The following RFC1 variants were observed in gnomAD, a reference collection of about 807,000 sequenced individuals.
RFC1 encodes the protein replication factor C subunit 1.
Under a neutral mutation model 137.4 loss-of-function variants are expected in RFC1, and 37 were observed. The ratio of observed to expected loss-of-function variants is 0.27; its 90% CI spans 0.21 to 0.35. The LOEUF is 0.35. Among genes scored for constraint, RFC1 ranks in the 10% least tolerant of loss-of-function variants. The pLI is 1.00. For missense variants in RFC1, 1,205 were observed against 1,358.5 expected (o/e 0.89, Z 1.78); for synonymous variants, 429 against 455.7 (o/e 0.94, Z 0.75).
chr4:39,337,898 G>A (rs1352189250), intron 4 of RFC1, among the ~76,000 whole-genome samples: 4 of 152,050 alleles, frequency 2.6e-5, no homozygotes, highest in African/African-American at 4.8e-5. Context: ...AACTTCAGGA[G>A]TACTAACTGC....
intron 1 of RFC1, among the ~76,000 whole-genome samples, chr4:39,363,636 C>T (rs770104238): frequency 4.0e-5 from 6 of 151,748 alleles, no homozygotes; most frequent in South Asian, 2.1e-4. Context: ...CCTGTAATCC[C>T]GGCACTTTAA....
intron 2 of RFC1, among the ~76,000 whole-genome samples, chr4:39,349,842 TAAAAATAC>T (rs1286046779): frequency 6.6e-6 from 1 of 151,968 alleles, no homozygotes; most frequent in African/African-American, 2.4e-5. Flanking sequence ...CCAACTCTAC[TAAAAATAC>T]AAAATTAGCC....
chr4:39,309,458 G>A (rs1228291827), intron 12 of RFC1, among the ~76,000 whole-genome samples: 1 of 152,208 alleles, frequency 6.6e-6, no homozygotes, highest in East Asian at 1.9e-4. Flanking sequence ...AAACAAAATA[G>A]GATGTGTCCA....
chr4:39,334,486 T>A lies in RFC1; in HGVS notation c.332-6730A>T, dbSNP rs1431429446. 2.0e-5 allele frequency among the ~76,000 whole-genome samples: 3 copies of A among 152,300 alleles called. No homozygotes were observed. The South Asian group carries it at 6.2e-4, about 32-fold the overall frequency. On this transcript the variant is annotated intron_variant, in intron 4 of 24. Coordinates refer to ENST00000349703, the MANE Select transcript of RFC1 (RefSeq NM_002913.5). The stretch of plus-strand genomic sequence containing the variant: ...GACTTAACAGGTGTTGCTGTGAGGA[T>A]CCTCATGTAAAATAAATATTTTACA...
Position 39,289,868 on chromosome 4 carries a change from C to T in RFC1, c.3340G>A (p.Glu1114Lys). ...QSDEKDQDAI[E>K]TDAMIKKKTK... ...ACTACCTTGATCATGGCATCAGTTTCTATAGCATCTTGGTCTTTCTCATCA... is the reference window on the plus strand; with the variant it reads ...ACTACCTTGATCATGGCATCAGTTTTTATAGCATCTTGGTCTTTCTCATCA... Residue 1114 changes from glutamate to lysine, a missense_variant, in exon 24 of 25, where the codon GAA (glutamate) becomes AAA (lysine). Coordinates refer to ENST00000349703, the MANE Select transcript of RFC1 (RefSeq NM_002913.5). 1 of 1,612,132 alleles carries T rather than the reference C, an allele frequency of 6.2e-7. No homozygotes were observed. The highest frequency in any genetic ancestry group is 8.5e-7 in the Non-Finnish European group (1 of 1,178,180).
intron 6 of RFC1, among the ~76,000 whole-genome samples, chr4:39,326,199 C>CA (rs1215392796): frequency 1.3e-5 from 2 of 151,806 alleles, no homozygotes; most frequent in African/African-American, 2.4e-5. Flanking sequence ...GACTCTGTCT[C>CA]AAAAAATAAA....
intron 1 of RFC1, among the ~76,000 whole-genome samples, chr4:39,362,322 G>A (rs1293410310): frequency 1.3e-5 from 2 of 152,116 alleles, no homozygotes; most frequent in Non-Finnish European, 2.9e-5. Flanking sequence ...AGAAATTCAA[G>A]GAAATGGAAT....
intron 5 of RFC1, 59 bp downstream of exon 5, chr4:39,327,465 T>C (rs1739830483): frequency 9.5e-7 from 1 of 1,047,332 alleles, no homozygotes; most frequent in Non-Finnish European, 1.4e-6. Context: ...GTTTCTCCTG[T>C]TAATATTAGT....
chr4:39,359,322 T>C (rs1326607229), intron 1 of RFC1, among the ~76,000 whole-genome samples: 1 of 152,104 alleles, frequency 6.6e-6, no homozygotes, highest in African/African-American at 2.4e-5. Context: ...AGCCCATCAA[T>C]CAACAAGTAG....
Position 39,302,335 on chromosome 4 carries a change from T to C in RFC1, c.2478A>G (p.Ala826=), listed in dbSNP as rs1560592800. 3 of 1,613,438 alleles carry C rather than the reference T, an allele frequency of 1.9e-6. No individual in the cohort carries two copies. Among genetic ancestry groups the C allele is most frequent in the South Asian group, 1.1e-5 (1 of 91,070 alleles). The change falls in exon 19 of 25, where the codon GCA becomes GCG. Residue 826 remains alanine (A), a synonymous_variant. Coordinates refer to ENST00000349703, the MANE Select transcript of RFC1 (RefSeq NM_002913.5). ...NLSMWCARSK[A]LTYDQAKADS... ...CAGCTTTGGCCTGGTCATAGGTTAA[T>C]GCTTTACTTCGTGCACACCACATAC... is the stretch of plus-strand genomic sequence containing the variant.
At chr4:39,306,985 G>C (rs183685289) in intron 13 of RFC1, among the ~76,000 whole-genome samples, 126 of 152,272 alleles carry the variant, frequency 8.3e-4, no homozygotes, top group Non-Finnish European at 1.2e-3. Flanking sequence ...TGAACGCACA[G>C]GCCATGGAGC....
chr4:39,289,734 A>G (rs1447653936), intron 24 of RFC1, 114 bp downstream of exon 24: 3 of 726,226 alleles, frequency 4.1e-6, no homozygotes, highest in Non-Finnish European at 7.1e-6. Flanking sequence ...GAACAAAAAA[A>G]CTTAAGAAGT....
chr4:39,329,155 C>CAAAAAAAAAAAAAAAA (rs1739952751), intron 4 of RFC1, among the ~76,000 whole-genome samples: 4 of 38,530 alleles, frequency 1.0e-4, no homozygotes, highest in Non-Finnish European at 1.5e-4. Context: ...AAAAAAAAAG[C>CAAAAAAAAAAAAAAAA]TTTTCGATTT....
chr4:39,309,183 G>A, intron 12 of RFC1, 151 bp from the exon 13 acceptor site: 1 of 713,618 alleles, frequency 1.4e-6, no homozygotes. Flanking sequence ...CCTGTTTGTG[G>A]AAATCACCAC....
chr4:39,341,171 G>C (rs1374324386), intron 4 of RFC1, among the ~76,000 whole-genome samples: 3 of 152,204 alleles, frequency 2.0e-5, no homozygotes, highest in African/African-American at 7.2e-5. Flanking sequence ...ATCCACAGTT[G>C]AAGGCCATGG....
chr4:39,349,975 A>G (rs1741102823), intron 2 of RFC1, among the ~76,000 whole-genome samples: 1 of 152,182 alleles, frequency 6.6e-6, no homozygotes, highest in Non-Finnish European at 1.5e-5. Flanking sequence ...TTGCACTCCA[A>G]CCTGGGCAAT....
At chr4:39,321,573 C>T (rs1227899567) in intron 7 of RFC1, 199 bp from the exon 8 acceptor site, 1 of 527,642 alleles carries the variant, frequency 1.9e-6, no homozygotes, top group Non-Finnish European at 3.3e-6. Context: ...AATGAGGAAA[C>T]AGATGAAAGG....
At chr4:39,339,787 G>A (rs1740527612) in intron 4 of RFC1, among the ~76,000 whole-genome samples, 2 of 151,952 alleles carry the variant, frequency 1.3e-5, no homozygotes, top group African/African-American at 4.8e-5. Flanking sequence ...CATTTCAAGC[G>A]CTCCATAGCC....
At chr4:39,316,767 A>G (rs1484213253) in intron 10 of RFC1, 148 bp downstream of exon 10, 3 of 548,940 alleles carry the variant, frequency 5.5e-6, no homozygotes, top group Non-Finnish European at 9.7e-6. Flanking sequence ...ATGAATAAAC[A>G]TCCCTAATTC....
Sources: gnomAD v4.1 joint callset for allele counts (sites outside exome capture counted in the v4.1 genomes callset) on GRCh38, gnomAD v4.1.1 for gene constraint, MANE v1.5 for transcripts, NCBI Gene and HGNC (gene_info 2026-07-23, HGNC 2026-07-21) for gene names.